The following ADAMTSL1 variants were observed in gnomAD, a reference collection of about 807,000 sequenced individuals.
ADAMTSL1 encodes the protein ADAMTS like 1.
Under a neutral mutation model 201.8 loss-of-function variants are expected in ADAMTSL1, and 126 were observed. The ratio of observed to expected loss-of-function variants is 0.62; its 90% confidence interval spans 0.54 to 0.72. The LOEUF (loss-of-function observed/expected upper bound fraction) is 0.72. Ranked by LOEUF, ADAMTSL1 falls within the 30% of genes least tolerant of loss-of-function variation. The probability of loss-of-function intolerance (pLI) is 0.00; values close to 1 mark genes in which losing one functional copy is unlikely to be tolerated. For synonymous variants in ADAMTSL1, 1,121 were observed against 903.4 expected, an observed-to-expected ratio of 1.24 and a Z score of -4.32; for missense variants, 2,679 against 2,277.8, an observed-to-expected ratio of 1.18 and a Z score of -3.59.
At chr9:18,062,022 C>T (rs1822479808) in intron 1 of ADAMTSL1, among the ~76,000 whole-genome samples, 2 of 152,126 alleles carry the variant, frequency 1.3e-5, no homozygotes, top group South Asian at 2.1e-4. Context: ...GAATTGAGGG[C>T]CAGCTACAAG....
rs192743669 is a variant in ADAMTSL1, at chr9:18,753,988, C to T, written c.2217+480C>T. 2.8e-4 allele frequency among the ~76,000 whole-genome samples: 43 copies of T among 152,222 alleles called. 1 individual carries two copies. The highest frequency in any genetic ancestry group is 7.9e-4 in the African/African-American group (33 of 41,538). The stretch of plus-strand genomic sequence containing the variant: ...AGCCAATTCCAAGTATTTTTATTTT[C>T]CTGGTCCTGTGAATTCCAAAAGTCT... On this transcript the variant is annotated intron_variant, in intron 16 of 28. Coordinates refer to ENST00000380548, the MANE Select transcript of ADAMTSL1 (RefSeq NM_001040272.6).
intron 1 of ADAMTSL1, among the ~76,000 whole-genome samples, chr9:18,029,862 A>T (rs1820867985): frequency 6.6e-6 from 1 of 152,176 alleles, no homozygotes; most frequent in African/African-American, 2.4e-5. Context: ...ATCTCACACC[A>T]GTTAGAATGG....
intron 1 of ADAMTSL1, among the ~76,000 whole-genome samples, chr9:18,031,907 C>T (rs1236358340): frequency 6.6e-6 from 1 of 152,190 alleles, no homozygotes; most frequent in African/African-American, 2.4e-5. Flanking sequence ...GCACATGATC[C>T]TGGGCAGGGC....
At chr9:18,218,209 C>T (rs1830125396) in intron 2 of ADAMTSL1, among the ~76,000 whole-genome samples, 1 of 152,102 alleles carries the variant, frequency 6.6e-6, no homozygotes, top group Non-Finnish European at 1.5e-5. Flanking sequence ...ATGAGATTTG[C>T]TCTAATTTTC....
intron 8 of ADAMTSL1, 110 bp downstream of exon 8, chr9:18,657,860 C>A: frequency 1.2e-6 from 1 of 849,314 alleles, no homozygotes; most frequent in Non-Finnish European, 1.9e-6. Context: ...TGTCTTGGAC[C>A]AGATCCTTTC....
intron 2 of ADAMTSL1, among the ~76,000 whole-genome samples, chr9:18,210,252 C>T (rs1256487876): frequency 1.3e-5 from 2 of 151,046 alleles, no homozygotes; most frequent in Non-Finnish European, 3.0e-5. Flanking sequence ...AAATATAAAA[C>T]ATGTCAGAGT....
At chr9:18,540,102 G>C (rs1374068498) in intron 3 of ADAMTSL1, among the ~76,000 whole-genome samples, 4 of 152,208 alleles carry the variant, frequency 2.6e-5, no homozygotes. Flanking sequence ...CAATGAGAAA[G>C]AGAAAGAGAG....
At position 18,176,062 on chromosome 9, in the gene ADAMTSL1, G is replaced by A. The variant is rs565033320; in HGVS notation, c.207+12081G>A. ...AAACAAAGGTTTCGTTTGGCTAGAG[G>A]TGCAGTTGGACACAAGGTAATTAAA... is the stretch of plus-strand genomic sequence containing the variant. On this transcript the variant is annotated intron_variant, in intron 2 of 29. Coordinates refer to the ADAMTSL1 transcript ENST00000680146. Among the ~76,000 whole-genome samples the A allele has an allele frequency of 4.0e-5, 6 of 150,402 alleles. No homozygotes were observed. The East Asian group carries it at 7.8e-4, about 20-fold the overall frequency.
intron 8 of ADAMTSL1, among the ~76,000 whole-genome samples, chr9:18,661,170 A>G (rs939164595): frequency 1.3e-5 from 2 of 152,182 alleles, no homozygotes; most frequent in Non-Finnish European, 2.9e-5. Flanking sequence ...ATATGAAAAG[A>G]ATTAACTATT....
At chr9:18,883,357 A>C (rs1364641353) in intron 23 of ADAMTSL1, among the ~76,000 whole-genome samples, 1 of 152,202 alleles carries the variant, frequency 6.6e-6, no homozygotes, top group Non-Finnish European at 1.5e-5. Context: ...ACAACAGCAC[A>C]AGCAAAAGCT....
chr9:18,006,957 G>A (rs1045763097), intron 1 of ADAMTSL1, among the ~76,000 whole-genome samples: 3 of 151,932 alleles, frequency 2.0e-5, no homozygotes, highest in Admixed American at 6.6e-5. Flanking sequence ...ATCATCTTAT[G>A]CTCTTACGTA....
chr9:18,684,573 A>G (rs1830708481), intron 12 of ADAMTSL1, 143 bp from the exon 13 acceptor site: 1 of 820,110 alleles, frequency 1.2e-6, no homozygotes, highest in Non-Finnish European at 1.8e-6. Context: ...AGATATAACC[A>G]TCATCAGAGG....
chr9:18,074,168 A>G (rs1823091551), intron 1 of ADAMTSL1, among the ~76,000 whole-genome samples: 1 of 152,178 alleles, frequency 6.6e-6, no homozygotes, highest in African/African-American at 2.4e-5. Flanking sequence ...GATGCCCACC[A>G]GCTGGCCCAG....
intron 2 of ADAMTSL1, among the ~76,000 whole-genome samples, chr9:18,255,321 G>A (rs181315501): frequency 2.0e-5 from 3 of 151,920 alleles, no homozygotes; most frequent in Admixed American, 2.0e-4. Flanking sequence ...GCGTTTGCTA[G>A]CATCTTTAAA....
intron 1 of ADAMTSL1, among the ~76,000 whole-genome samples, chr9:17,915,735 A>C (rs1275175503): frequency 6.6e-6 from 1 of 152,200 alleles, no homozygotes; most frequent in Non-Finnish European, 1.5e-5. Context: ...TCTTTTGGTC[A>C]TTCAAACAGG....
intron 1 of ADAMTSL1, among the ~76,000 whole-genome samples, chr9:18,142,681 C>T (rs1463453882): frequency 6.6e-6 from 1 of 152,174 alleles, no homozygotes; most frequent in Non-Finnish European, 1.5e-5. Context: ...ATGCATTTAT[C>T]TATCACAGTA....
chr9:18,252,677 G>A (rs1831510920), intron 2 of ADAMTSL1, among the ~76,000 whole-genome samples: 1 of 152,022 alleles, frequency 6.6e-6, no homozygotes, highest in South Asian at 2.1e-4. Flanking sequence ...TACAGAGCCC[G>A]CTGATAAGGG....
intron 2 of ADAMTSL1, among the ~76,000 whole-genome samples, chr9:18,389,957 A>T (rs986226279): frequency 2.0e-4 from 31 of 152,176 alleles, no homozygotes; most frequent in African/African-American, 6.5e-4. Context: ...TATAGCTTGC[A>T]TTGTTCCAGA....
At chr9:18,021,731 G>T (rs979001966) in intron 1 of ADAMTSL1, among the ~76,000 whole-genome samples, 3 of 152,116 alleles carry the variant, frequency 2.0e-5, no homozygotes, top group African/African-American at 7.2e-5. Context: ...CTCATTAATT[G>T]TTAGTTGAGT....
Sources: gnomAD v4.1 joint callset for allele counts (sites outside exome capture counted in the v4.1 genomes callset) on GRCh38, gnomAD v4.1.1 for gene constraint, MANE v1.5 for transcripts, NCBI Gene and HGNC (gene_info 2026-07-23, HGNC 2026-07-21) for gene names.